The following ATF7IP2 variants were observed in gnomAD, a reference collection of about 807,000 sequenced individuals.
ATF7IP2 encodes the protein activating transcription factor 7 interacting protein 2.
A neutral mutation model predicts 64.2 loss-of-function variants in ATF7IP2; 42 were observed. The ratio of observed to expected loss-of-function variants is 0.65; its 90% confidence interval spans 0.51 to 0.85. ATF7IP2 has a LOEUF of 0.85. Ranked by LOEUF, ATF7IP2 falls within the 40% of genes least tolerant of loss-of-function variation. ATF7IP2 has a pLI of 0.00. For missense variants in ATF7IP2, 933 were observed against 784.2 expected, an observed-to-expected ratio of 1.19 and a Z score of -2.27; for synonymous variants, 308 against 272.8, an observed-to-expected ratio of 1.13 and a Z score of -1.27.
intron 10 of ATF7IP2, 85 bp from the exon 11 acceptor site, chr16:10,473,394 C>T (rs185580731): frequency 2.6e-5 from 21 of 805,234 alleles, no homozygotes; most frequent in East Asian, 2.1e-4. Context: ...TAATTAGCAT[C>T]CCTATTATTT....
At chr16:10,465,392 ACACT>A (rs1184536271) in intron 9 of ATF7IP2, among the ~76,000 whole-genome samples, 20 of 152,118 alleles carry the variant, frequency 1.3e-4, no homozygotes, top group Non-Finnish European at 2.5e-4. Flanking sequence ...TATGTTAGTC[ACACT>A]CAGGCTTCCA....
chr16:10,418,108 G>A (rs2047914761), intron 2 of ATF7IP2, among the ~76,000 whole-genome samples: 1 of 152,222 alleles, frequency 6.6e-6, no homozygotes, highest in Non-Finnish European at 1.5e-5. Flanking sequence ...CAAGCCAGTG[G>A]TAAGCATTGT....
At chr16:10,422,472 T>G (rs2048005189) in intron 3 of ATF7IP2, among the ~76,000 whole-genome samples, 1 of 152,130 alleles carries the variant, frequency 6.6e-6, no homozygotes, top group African/African-American at 2.4e-5. Context: ...CCCCATAAAT[T>G]TATAGGTATA....
At chr16:10,440,703 C>G (rs972383913) in intron 8 of ATF7IP2, among the ~76,000 whole-genome samples, 1 of 152,136 alleles carries the variant, frequency 6.6e-6, no homozygotes, top group Non-Finnish European at 1.5e-5. Context: ...GCTTCCCCCA[C>G]CCCCATTTTA....
rs774843896 is a variant in ATF7IP2 at position 10,431,020 on chromosome 16, G to A, written c.400G>A (p.Ala134Thr). ...CCCCAGCAGAGTCTTCACAGAAGAG[G>A]CAAAAGATTCACTGAACACTTCTGA... is the stretch of plus-strand genomic sequence containing the variant. The part of the protein sequence containing the change: ...ESPSRVFTEE[A>T]KDSLNTSEND... Residue 134 changes from alanine (A) to threonine (T), a missense_variant, in exon 5 of 14, where the codon GCA (alanine) becomes ACA (threonine). Ala to Thr is a moderately conservative substitution (Grantham distance 58, BLOSUM62 0). Coordinates refer to ENST00000562102, the MANE Select transcript of ATF7IP2 (RefSeq NM_001393719.1). The A allele has an allele frequency of 9.3e-6, 15 of 1,614,044 alleles. No homozygotes were observed. Among genetic ancestry groups the A allele is most frequent in the Non-Finnish European group, 1.3e-5 (15 of 1,180,038 alleles).
intron 3 of ATF7IP2, among the ~76,000 whole-genome samples, 189 bp downstream of exon 3, chr16:10,419,812 C>T (rs964242106): frequency 1.3e-5 from 2 of 152,182 alleles, no homozygotes; most frequent in African/African-American, 2.4e-5. Context: ...CCTGGCAAAA[C>T]ACAAGCATAA....
chr16:10,459,225 T>G (rs1320624995), intron 9 of ATF7IP2, among the ~76,000 whole-genome samples: 1 of 151,976 alleles, frequency 6.6e-6, no homozygotes. Flanking sequence ...TCCCAGCACT[T>G]TCGGAGGCCT....
rs138202413 is a variant in ATF7IP2, at chr16:10,420,455, C to T, written c.-160+832C>T. Among the ~76,000 whole-genome samples the T allele has an allele frequency of 3.0e-3, 455 of 152,334 alleles. 5 individuals carry two copies. Among genetic ancestry groups the T allele is most frequent in the African/African-American group, 0.01 (430 of 41,574 alleles). On this transcript the variant is annotated intron_variant, in intron 3 of 13. Transcript: ENST00000562102. ...ATGCACCATTTGGCAAGTTGGGCAT[C>T]GCTGGATAATAGCTTTAGCTTCTTT...
chr16:10,407,175 TC>T (rs1259385760), intron 1 of ATF7IP2, among the ~76,000 whole-genome samples: 1 of 152,122 alleles, frequency 6.6e-6, no homozygotes, highest in African/African-American at 2.4e-5. Flanking sequence ...ACATTCAACT[TC>T]CCTACATGAT....
Position 10,470,853 on chromosome 16 carries a change from A to G in ATF7IP2, c.1353-1257A>G, listed in dbSNP as rs12931831. 7.3e-3 allele frequency among the ~76,000 whole-genome samples: 802 copies of G among 109,510 alleles called. 6 individuals carry two copies. The highest frequency in any genetic ancestry group is 0.017 in the Admixed American group (178 of 10,662). The allele number at this position is 109,510 out of a possible 152,430, so 71.8% of individuals were successfully genotyped here. A position where few individuals can be genotyped will look rare whatever the true frequency, so the allele number is the denominator to read the frequency against. ...TATATATATATGTGTGTGTATATAT[A>G]TGTGTGTGTGTGTGTGTGTGAATAT... On this transcript the variant is annotated intron_variant, in intron 9 of 13. Coordinates refer to ENST00000562102, the MANE Select transcript of ATF7IP2 (RefSeq NM_001393719.1).
chr16:10,432,575 GA>G (rs972274895), intron 5 of ATF7IP2, among the ~76,000 whole-genome samples: 15 of 150,766 alleles, frequency 9.9e-5, no homozygotes, highest in South Asian at 2.1e-4. Context: ...GTCTCTTAAA[GA>G]AAAAAAAAGA....
At chr16:10,456,600 C>T (rs1044543790) in intron 8 of ATF7IP2, among the ~76,000 whole-genome samples, 1 of 152,128 alleles carries the variant, frequency 6.6e-6, no homozygotes, top group African/African-American at 2.4e-5. Context: ...CCCATTTAGC[C>T]CCTGCCGGTG....
At chr16:10,406,793 C>T (rs1567431092) in intron 1 of ATF7IP2, among the ~76,000 whole-genome samples, 1 of 152,102 alleles carries the variant, frequency 6.6e-6, no homozygotes, top group Non-Finnish European at 1.5e-5. Flanking sequence ...CAAAGAAAAG[C>T]CTGTGCCCTA....
intron 3 of ATF7IP2, among the ~76,000 whole-genome samples, chr16:10,419,868 T>C (rs145508777): frequency 2.0e-5 from 3 of 152,356 alleles, no homozygotes; most frequent in African/African-American, 7.2e-5. Flanking sequence ...ATTTTTGTTA[T>C]TGCATCTCTC....
chr16:10,418,987 C>G (rs185585140), intron 2 of ATF7IP2, among the ~76,000 whole-genome samples: 2 of 152,348 alleles, frequency 1.3e-5, no homozygotes, highest in East Asian at 3.9e-4. Flanking sequence ...TGCTAAACAT[C>G]CCCTTAGGGG....
At chr16:10,405,340 C>T (rs1277953600) in intron 1 of ATF7IP2, among the ~76,000 whole-genome samples, 1 of 151,862 alleles carries the variant, frequency 6.6e-6, no homozygotes, top group Non-Finnish European at 1.5e-5. Flanking sequence ...ACATTGTACT[C>T]CAGCCTGAGC....
chr16:10,448,574 T>G (rs1596543458), intron 8 of ATF7IP2: 1 of 152,196 alleles, frequency 6.6e-6, no homozygotes, highest in African/African-American at 2.4e-5. Flanking sequence ...GTTATTGGTA[T>G]ATAGGAATGC....
intron 4 of ATF7IP2, among the ~76,000 whole-genome samples, chr16:10,430,000 C>CT (rs2048192990): frequency 6.6e-6 from 1 of 151,528 alleles, no homozygotes. Flanking sequence ...ATTACAGGTG[C>CT]ATGCCACCAT....
At chr16:10,474,044 C>A in intron 12 of ATF7IP2, 55 bp downstream of exon 12, 1 of 1,137,114 alleles carries the variant, frequency 8.8e-7, no homozygotes, top group Non-Finnish European at 1.3e-6. Context: ...GGTAACAACT[C>A]ATAATGCACT....
Sources: allele counts gnomAD v4.1 joint callset (sites outside exome capture counted in the v4.1 genomes callset), GRCh38; gene constraint gnomAD v4.1.1; transcripts MANE v1.5; gene names NCBI Gene and HGNC (gene_info 2026-07-23, HGNC 2026-07-21).